The following CYP20A1 variants were observed in gnomAD, a reference collection of about 807,000 sequenced individuals.
CYP20A1 encodes cytochrome P450 family 20 subfamily A member 1, also known as cytochrome P450 20A1.
A neutral mutation model predicts 61.4 loss-of-function variants in CYP20A1; 61 were observed. That is an observed-to-expected ratio of 0.99 (90% CI 0.81 to 1.23). The LOEUF is 1.23. Among genes scored for constraint, CYP20A1 ranks in the 50% most tolerant of loss-of-function variants. The pLI is 0.00. For missense variants in CYP20A1, 530 were observed against 542.4 expected, an observed-to-expected ratio of 0.98 and a Z score of 0.23; for synonymous variants, 193 against 188.2, an observed-to-expected ratio of 1.03 and a Z score of -0.21.
At chr2:203,253,761 A>C (rs1289142620) in intron 4 of CYP20A1, among the ~76,000 whole-genome samples, 1 of 152,184 alleles carries the variant, frequency 6.6e-6, no homozygotes, top group East Asian at 1.9e-4. Flanking sequence ...TAAGAAGCCA[A>C]GGAAAGGAGT....
chr2:203,295,378 C>A (rs1428279655), intron 11 of CYP20A1, among the ~76,000 whole-genome samples: 1 of 152,086 alleles, frequency 6.6e-6, no homozygotes, highest in African/African-American at 2.4e-5. Context: ...TCCAGCCTCT[C>A]TCACCTATTA....
intron 7 of CYP20A1, 25 bp from the exon 8 acceptor site, chr2:203,280,034 T>A: frequency 6.3e-7 from 1 of 1,586,150 alleles, no homozygotes; most frequent in Non-Finnish European, 8.6e-7. Flanking sequence ...TTTTCACACT[T>A]TCTAAACTTA....
In CYP20A1 at chr2:203,291,992, T is replaced by G. The variant is rs189441384; in HGVS notation, c.1084-270T>G. Among the ~76,000 whole-genome samples, 53 of 152,316 alleles carry G rather than the reference T, an allele frequency of 3.5e-4. 1 individual carries two copies. The highest frequency in any genetic ancestry group is 6.9e-4 in the Non-Finnish European group (47 of 68,040). On this transcript the variant is annotated intron_variant, in intron 10 of 12. Transcript: ENST00000356079. ...TGGTTTCCAGCTTCATCCATGTCCC[T>G]ACAAAGGACATGAACTCTGGATGCA...
At chr2:203,255,950 G>A (rs1054489364) in intron 4 of CYP20A1, among the ~76,000 whole-genome samples, 1 of 151,986 alleles carries the variant, frequency 6.6e-6, no homozygotes, top group African/African-American at 2.4e-5. Context: ...TGCTGGATAG[G>A]TCCCCTTTTA....
At chr2:203,279,188 A>C (rs868383431) in intron 7 of CYP20A1, among the ~76,000 whole-genome samples, 2 of 152,082 alleles carry the variant, frequency 1.3e-5, no homozygotes, top group Non-Finnish European at 2.9e-5. Context: ...GATGGTCTCT[A>C]TCTCTTTCAC....
At chr2:203,240,505 A>G (rs545753693) in intron 1 of CYP20A1, among the ~76,000 whole-genome samples, 1 of 152,364 alleles carries the variant, frequency 6.6e-6, no homozygotes, top group East Asian at 1.9e-4. Flanking sequence ...AGACAATAGA[A>G]ACAAATAACA....
chr2:203,269,285 T>C (rs1338740267), intron 5 of CYP20A1, among the ~76,000 whole-genome samples: 2 of 148,882 alleles, frequency 1.3e-5, no homozygotes, highest in Admixed American at 1.3e-4. Flanking sequence ...TCCAATTTTT[T>C]TTTTTTTTTT....
chr2:203,286,222 G>A (rs1032324259), intron 9 of CYP20A1, among the ~76,000 whole-genome samples: 3 of 152,088 alleles, frequency 2.0e-5, no homozygotes, highest in African/African-American at 4.8e-5. Flanking sequence ...TCAGGAGGTC[G>A]AGGCTACAGT....
At position 203,298,939 on chromosome 2, in the gene CYP20A1, G is replaced by A. The variant is rs182303174; in HGVS notation, c.*2031G>A. Among the ~76,000 whole-genome samples the A allele has an allele frequency of 1.1e-4, 17 of 152,158 alleles. No homozygotes were observed. In the East Asian group the frequency reaches 2.5e-3, roughly 23 times the overall value. On this transcript the variant is annotated 3_prime_UTR_variant, in exon 13 of 13. Coordinates refer to ENST00000356079, the MANE Select transcript of CYP20A1 (RefSeq NM_177538.3). ...AGTCTCAGCTACTTGGGAGGCTGAGGCAGGAGAATCGCTTGAACCTGGGAG... is the reference window on the plus strand; with the variant it reads ...AGTCTCAGCTACTTGGGAGGCTGAGACAGGAGAATCGCTTGAACCTGGGAG...
Position 203,304,794 on chromosome 2 carries a change from G to C in CYP20A1, c.*7886G>C, listed in dbSNP as rs1177948557. ...CTACAAAAAATACAAAAATTAGCCA[G>C]GTGTGCTGGCGCACACCTGTAGTCC... On this transcript the variant is annotated 3_prime_UTR_variant, in exon 13 of 13. Coordinates refer to ENST00000356079, the MANE Select transcript of CYP20A1 (RefSeq NM_177538.3). Among the ~76,000 whole-genome samples, 1 of 152,090 alleles carries C rather than the reference G, an allele frequency of 6.6e-6. No homozygotes were observed. The highest frequency in any genetic ancestry group is 1.5e-5 in the Non-Finnish European group (1 of 68,030).
At chr2:203,239,309 C>T (rs1052877541) in intron 1 of CYP20A1, among the ~76,000 whole-genome samples, 175 bp downstream of exon 1, 1 of 152,078 alleles carries the variant, frequency 6.6e-6, no homozygotes, top group Non-Finnish European at 1.5e-5. Flanking sequence ...ACGCCCCTCC[C>T]GGCAAGCTCT....
chr2:203,285,618 C>G lies in CYP20A1; in HGVS notation c.857C>G (p.Thr286Ser), dbSNP rs935053023. The change falls in exon 9 of 13, where the codon ACC (threonine) becomes AGC (serine). Residue 286 changes from threonine to serine, a missense_variant. Transcript: ENST00000356079. ...ASCIITAKLC[T>S]WAICFLTTSE... Reference sequence around the variant, plus strand: ...CATATAATGTTTGACCTAGTGTGTACCTGGGCAATCTGTTTTTTAACCACC... The same window carrying G: ...CATATAATGTTTGACCTAGTGTGTAGCTGGGCAATCTGTTTTTTAACCACC... The G allele has an allele frequency of 6.3e-7, 1 of 1,588,218 alleles. No individual in the cohort carries two copies. The highest frequency in any genetic ancestry group is 8.5e-7 in the Non-Finnish European group (1 of 1,173,056).
chr2:203,287,961 GTT>G (rs1158800560), intron 9 of CYP20A1, among the ~76,000 whole-genome samples: 1 of 128,498 alleles, frequency 7.8e-6, no homozygotes, highest in South Asian at 2.6e-4. Context: ...GGGGTGGAGT[GTT>G]TTTTTATCGT....
At position 203,296,830 on chromosome 2, in the gene CYP20A1, A is replaced by G; in HGVS notation, c.1311A>G (p.Gly437=). The G allele has an allele frequency of 6.2e-7, 1 of 1,612,030 alleles. No individual in the cohort carries two copies. Among genetic ancestry groups the G allele is most frequent in the Non-Finnish European group, 8.5e-7 (1 of 1,179,120 alleles). Residue 437 remains glycine, a synonymous_variant, in exon 13 of 13, where the codon GGA becomes GGG. Coordinates refer to ENST00000356079, the MANE Select transcript of CYP20A1 (RefSeq NM_177538.3). ...VKRLHLLSVE[G]QVIETKYELV... ...GACTGCACCTACTTTCTGTGGAGGG[A>G]CAGGTTATTGAAACAAAGTATGAAC...
At chr2:203,289,426 G>A (rs574193502) in intron 9 of CYP20A1, among the ~76,000 whole-genome samples, 16 of 151,734 alleles carry the variant, frequency 1.1e-4, no homozygotes, top group African/African-American at 2.2e-4. Flanking sequence ...TGTCAGCTTC[G>A]TGCTAAAAAT....
At position 203,252,074 on chromosome 2, in the gene CYP20A1, G is replaced by C; in HGVS notation, c.397G>C (p.Asp133His). The C allele has an allele frequency of 6.2e-7, 1 of 1,609,348 alleles. No individual in the cohort carries two copies. Among genetic ancestry groups the C allele is most frequent in the Non-Finnish European group, 8.5e-7 (1 of 1,177,530 alleles). Reference sequence around the variant, plus strand: ...AAAATTGTATGAAAATGGTGTGACTGATTCTCTGAAGAGTAACTTTGCCCT... The same window carrying C: ...AAAATTGTATGAAAATGGTGTGACTCATTCTCTGAAGAGTAACTTTGCCCT... ...RKKLYENGVT[D>H]SLKSNFALLL... is the part of the protein sequence containing the mutation. Residue 133 changes from aspartate (D) to histidine (H), a missense_variant, in exon 4 of 13, where the codon GAT becomes CAT. Coordinates refer to ENST00000356079, the MANE Select transcript of CYP20A1 (RefSeq NM_177538.3).
intron 4 of CYP20A1, among the ~76,000 whole-genome samples, chr2:203,262,449 A>AT (rs928363196): frequency 2.6e-5 from 4 of 152,008 alleles, no homozygotes; most frequent in East Asian, 1.9e-4. Flanking sequence ...ATTTTGTTAA[A>AT]TTTTTTTACA....
chr2:203,243,437 C>T (rs2066331666), intron 1 of CYP20A1, among the ~76,000 whole-genome samples: 1 of 152,002 alleles, frequency 6.6e-6, no homozygotes. Context: ...GTCTCCCAGG[C>T]TGGAGTGTAG....
rs532238117 is a variant in CYP20A1 at position 203,254,847 on chromosome 2, C to T, written c.432+2738C>T. ...CTACTAAAAATACAGAAAAATTAGCCGGGCGTGGTGGCACGTGTCTGTAGT... is the reference window on the plus strand; with the variant it reads ...CTACTAAAAATACAGAAAAATTAGCTGGGCGTGGTGGCACGTGTCTGTAGT... On this transcript the variant is annotated intron_variant, in intron 4 of 12. Coordinates refer to ENST00000356079, the MANE Select transcript of CYP20A1 (RefSeq NM_177538.3). Among the ~76,000 whole-genome samples, 17 of 151,856 alleles carry T rather than the reference C, an allele frequency of 1.1e-4. No individual in the cohort carries two copies. The South Asian group carries it at 1.5e-3, about 13-fold the overall frequency.
Sources: allele counts gnomAD v4.1 joint callset (sites outside exome capture counted in the v4.1 genomes callset), GRCh38; gene constraint gnomAD v4.1.1; transcripts MANE v1.5; gene names NCBI Gene and HGNC (gene_info 2026-07-23, HGNC 2026-07-21).